MID1: variants seen among roughly 807,000 people sequenced by gnomAD.
MID1 encodes the protein E3 ubiquitin-protein ligase Midline-1.
In MID1, 7 loss-of-function variants were observed where a neutral mutation model predicts 40.4. The ratio of observed to expected loss-of-function variants is 0.17; its 90% CI spans 0.10 to 0.33. MID1 has a LOEUF of 0.33. Among genes scored for constraint, MID1 ranks in the 10% least tolerant of loss-of-function variants. The probability of loss-of-function intolerance (pLI) is 1.00; values close to 1 mark genes in which losing one functional copy is unlikely to be tolerated. For synonymous variants in MID1, 229 were observed against 221.2 expected (o/e 1.04, Z -0.31); for missense variants, 367 against 558.5 (o/e 0.66, Z 3.46).
Position 10,469,688 on chromosome X carries a change from G to A in MID1, c.1285+9C>T. The A allele has an allele frequency of 1.7e-6, 2 of 1,211,689 alleles. No individual in the cohort carries two copies. Among genetic ancestry groups the A allele is most frequent in the South Asian group, 1.8e-5 (1 of 57,004 alleles). ...AAAGACAGAAATAAATAGGCCATGA[G>A]ATACTCACTAACGACGTTGGCTTGT... On this transcript the variant is annotated intron_variant, in intron 7 of 9. Coordinates refer to ENST00000317552, the MANE Select transcript of MID1 (RefSeq NM_000381.4).
Position 10,567,347 on chromosome X carries a change from C to A in MID1, c.201G>T (p.Gln67His). ...PTCRHVITLS[Q>H]RGLDGLKRNV... ...TGCGCTTGAGCCCGTCTAGACCTCG[C>A]TGGCTGAGGGTGATGACATGCCGGC... Residue 67 changes from glutamine to histidine, a missense_variant, in exon 2 of 10, where the codon CAG becomes CAT. Coordinates refer to ENST00000317552, the MANE Select transcript of MID1 (RefSeq NM_000381.4). 1 of 1,195,986 alleles carries A rather than the reference C, an allele frequency of 8.4e-7. No individual in the cohort carries two copies. Among genetic ancestry groups the A allele is most frequent in the South Asian group, 1.8e-5 (1 of 54,108 alleles).
At chrX:10,607,609 T>C (rs749157744) in intron 1 of MID1, among the ~76,000 whole-genome samples, 1 of 112,752 alleles carries the variant, frequency 8.9e-6, no homozygotes, top group Non-Finnish European at 1.9e-5. Context: ...TACATGTATA[T>C]TGACAATGAA....
At chrX:10,465,254 C>CACACAT (rs1556005795) in intron 7 of MID1, among the ~76,000 whole-genome samples, 22 of 96,807 alleles carry the variant, frequency 2.3e-4, no homozygotes, top group Middle Eastern at 5.1e-3. Flanking sequence ...CACACACACA[C>CACACAT]ACACACATAC....
chrX:10,779,493 G>A (rs186262449), intron 1 of MID1, among the ~76,000 whole-genome samples: 5 of 112,198 alleles, frequency 4.5e-5, no homozygotes, highest in African/African-American at 1.6e-4. Flanking sequence ...CTTTGAGAAG[G>A]CCATATAATA....
At chrX:10,669,869 G>T (rs958360406) in intron 1 of MID1, among the ~76,000 whole-genome samples, 1 of 112,211 alleles carries the variant, frequency 8.9e-6, no homozygotes, top group Non-Finnish European at 1.9e-5. Context: ...ATTGCCCCAA[G>T]ATATACCTAC....
At chrX:10,487,982 C>CTTTT (rs953085669) in intron 4 of MID1, among the ~76,000 whole-genome samples, 1 of 87,952 alleles carries the variant, frequency 1.1e-5, no homozygotes, top group African/African-American at 4.2e-5. Context: ...ACCTACAAGT[C>CTTTT]TTTTTTTTTT....
At chrX:10,757,136 A>G (rs1365433060) in intron 1 of MID1, among the ~76,000 whole-genome samples, 2 of 111,753 alleles carry the variant, frequency 1.8e-5, no homozygotes, top group Admixed American at 1.9e-4. Flanking sequence ...CCCCGTCAGA[A>G]TTCCTGACTC....
chrX:10,526,191 A>C lies in MID1; in HGVS notation c.661-3004T>G, dbSNP rs772915333. ...AAGGGGAAGAATAACTTTTTCACTT[A>C]AAGAATGGGATACAAGAGGCTGAAG... On this transcript the variant is annotated intron_variant, in intron 2 of 9. Coordinates refer to ENST00000317552, the MANE Select transcript of MID1 (RefSeq NM_000381.4). Among the ~76,000 whole-genome samples the C allele has an allele frequency of 7.2e-5, 8 of 111,635 alleles. No homozygotes were observed. The South Asian group carries it at 3.0e-3, about 42-fold the overall frequency.
At chrX:10,820,995 C>T (rs1204024844) in intron 1 of MID1, among the ~76,000 whole-genome samples, 1 of 111,976 alleles carries the variant, frequency 8.9e-6, no homozygotes, top group Non-Finnish European at 1.9e-5. Context: ...ATGAGCAAGA[C>T]CAAACTCACA....
intron 2 of MID1, among the ~76,000 whole-genome samples, chrX:10,538,435 T>C (rs1429399533): frequency 9.0e-6 from 1 of 111,317 alleles, no homozygotes; most frequent in Non-Finnish European, 1.9e-5. Flanking sequence ...CTGGTTTTCA[T>C]TCCTCTAATT....
At chrX:10,536,480 TACA>T (rs1933259112) in intron 2 of MID1, among the ~76,000 whole-genome samples, 1 of 112,833 alleles carries the variant, frequency 8.9e-6, no homozygotes, top group Admixed American at 9.3e-5. Context: ...AGTTTACATA[TACA>T]ACGTGTTGCT....
intron 1 of MID1, among the ~76,000 whole-genome samples, chrX:10,601,388 T>A (rs1242132000): frequency 8.9e-6 from 1 of 112,625 alleles, no homozygotes; most frequent in Non-Finnish European, 1.9e-5. Context: ...AAAAATTGTT[T>A]AAATATTATT....
chrX:10,817,867 C>T (rs2044150860), intron 1 of MID1, among the ~76,000 whole-genome samples: 1 of 111,098 alleles, frequency 9.0e-6, no homozygotes, highest in African/African-American at 3.3e-5. Context: ...GATCCGCCTG[C>T]CTTGGCCTCC....
chrX:10,807,770 T>C (rs2044057968), intron 1 of MID1, among the ~76,000 whole-genome samples: 1 of 112,538 alleles, frequency 8.9e-6, no homozygotes, highest in Non-Finnish European at 1.9e-5. Flanking sequence ...ATAATCTCCC[T>C]ATTTTAAGGT....
intron 1 of MID1, among the ~76,000 whole-genome samples, chrX:10,730,564 CTT>C (rs1188069622): frequency 0.024 from 1,852 of 77,997 alleles, 43 homozygotes; most frequent in African/African-American, 0.098. Context: ...TCAGATACAT[CTT>C]TTTTTTTTTT....
intron 1 of MID1, among the ~76,000 whole-genome samples, chrX:10,691,845 A>G (rs2043133149): frequency 8.9e-6 from 1 of 111,851 alleles, no homozygotes; most frequent in African/African-American, 3.2e-5. Context: ...TTCTTTTCCC[A>G]GCAAGGAATG....
chrX:10,547,613 G>GGGGGAGGGAGGGAGGGGAAA (rs1933742549), intron 2 of MID1, among the ~76,000 whole-genome samples: 1 of 85,613 alleles, frequency 1.2e-5, no homozygotes, highest in African/African-American at 4.4e-5. Context: ...AGAAGGGAGG[G>GGGGGAGGGAGGGAGGGGAAA]TAAAGAAAGG....
intron 1 of MID1, among the ~76,000 whole-genome samples, chrX:10,618,496 CCT>C (rs1935877297): frequency 1.8e-5 from 2 of 111,792 alleles, no homozygotes; most frequent in African/African-American, 3.3e-5. Flanking sequence ...CATCTCCTCC[CCT>C]GTTCCATCCC....
At chrX:10,675,961 C>T (rs11796084) in intron 1 of MID1, among the ~76,000 whole-genome samples, 3,293 of 112,049 alleles carry the variant, frequency 0.029, 58 homozygotes, top group Middle Eastern at 0.079. Context: ...GAACACTCTC[C>T]CCTCCTTTCA....
Sources: gnomAD v4.1 joint callset for allele counts (sites outside exome capture counted in the v4.1 genomes callset) on GRCh38, gnomAD v4.1.1 for gene constraint, MANE v1.5 for transcripts, NCBI Gene and HGNC (gene_info 2026-07-23, HGNC 2026-07-21) for gene names.